PCDHGA9: variants seen among roughly 807,000 people sequenced by gnomAD.
PCDHGA9 encodes the protein protocadherin gamma subfamily A, 9.
PCDHGA9 carries 37 observed loss-of-function variants against 62.5 expected under a neutral mutation model. The observed-to-expected ratio is 0.59, with a 90% confidence interval of 0.46 to 0.78. The LOEUF is 0.78. Ranked by LOEUF, PCDHGA9 falls within the 30% of genes least tolerant of loss-of-function variation. The pLI is 0.00. For missense variants in PCDHGA9, 1,138 were observed against 1,166.2 expected (o/e 0.98, Z 0.35); for synonymous variants, 459 against 484.6 (o/e 0.95, Z 0.69).
At chr5:141,438,538 A>G (rs950527053) in intron 1 of PCDHGA9, among the ~76,000 whole-genome samples, 2 of 145,166 alleles carry the variant, frequency 1.4e-5, no homozygotes, top group African/African-American at 2.6e-5. Context: ...CTTTTCCTCT[A>G]TATCTAAGCC....
intron 3 of PCDHGA9, among the ~76,000 whole-genome samples, chr5:141,506,879 G>T (rs958969109): frequency 6.6e-6 from 1 of 152,172 alleles, no homozygotes; most frequent in Non-Finnish European, 1.5e-5. Flanking sequence ...AGAACCAGGT[G>T]AAATCACAAG....
At chr5:141,421,184 C>T (rs2096551183) in intron 1 of PCDHGA9, 4 of 1,457,822 alleles carry the variant, frequency 2.7e-6, no homozygotes, top group Non-Finnish European at 3.7e-6. Context: ...CGATTCACAA[C>T]CAACCAGCTC....
In PCDHGA9 at chr5:141,486,440, A is replaced by G; in HGVS notation, c.2425-8367A>G. 6.2e-7 allele frequency: 1 copy of G among 1,614,114 alleles called. No individual in the cohort carries two copies. The highest frequency in any genetic ancestry group is 8.5e-7 in the Non-Finnish European group (1 of 1,179,936). On this transcript the variant is annotated intron_variant, in intron 1 of 3. Coordinates refer to ENST00000573521, the MANE Select transcript of PCDHGA9 (RefSeq NM_018921.3). This position sits in a 1 kb window ranked among gnomAD's most constrained non-coding sequence, Gnocchi z 5.0. ...TCGAGAGGCCAAATCTAGCTATGACATCATGGTCACTGCTTCTGATGCTGG... is the reference window on the plus strand; with the variant it reads ...TCGAGAGGCCAAATCTAGCTATGACGTCATGGTCACTGCTTCTGATGCTGG...
chr5:141,502,679 T>C (rs943238781), intron 2 of PCDHGA9, among the ~76,000 whole-genome samples: 1 of 152,236 alleles, frequency 6.6e-6, no homozygotes, highest in Non-Finnish European at 1.5e-5. Flanking sequence ...TAGTATTCCC[T>C]GATGATCCTT....
At chr5:141,456,827 G>A (rs183303757) in intron 1 of PCDHGA9, among the ~76,000 whole-genome samples, 13 of 152,236 alleles carry the variant, frequency 8.5e-5, no homozygotes, top group South Asian at 2.1e-4. Flanking sequence ...AGCCATCGTG[G>A]TAGTGGGCGC....
chr5:141,408,660 C>T, intron 1 of PCDHGA9: 1 of 1,613,980 alleles, frequency 6.2e-7, no homozygotes, highest in East Asian at 2.2e-5. Context: ...ACACGACTAT[C>T]GCTTGACCCT....
At chr5:141,430,909 G>A (rs1054175762) in intron 1 of PCDHGA9, 2 of 1,607,160 alleles carry the variant, frequency 1.2e-6, no homozygotes, top group Non-Finnish European at 1.7e-6. Context: ...ACATCTCCAG[G>A]GACCTGGGGC....
At chr5:141,463,728 G>C (rs957615020) in intron 1 of PCDHGA9, among the ~76,000 whole-genome samples, 3 of 152,066 alleles carry the variant, frequency 2.0e-5, no homozygotes, top group African/African-American at 7.2e-5. Context: ...TTACAGGCAT[G>C]AGCCACCGCG....
intron 1 of PCDHGA9, chr5:141,423,297 C>T: frequency 1.9e-6 from 3 of 1,614,170 alleles, no homozygotes; most frequent in South Asian, 1.1e-5. Flanking sequence ...CCTCAGACCT[C>T]TCGCTGTACT....
chr5:141,414,715 G>A, intron 1 of PCDHGA9: 1 of 1,614,128 alleles, frequency 6.2e-7, no homozygotes. Context: ...CATCAACTCA[G>A]ACACTGGCGT....
At position 141,402,836 on chromosome 5, in the gene PCDHGA9, A is replaced by G. The variant is rs115293033; in HGVS notation, c.-117A>G. 4.8e-4 allele frequency: 668 copies of G among 1,379,778 alleles called. 2 individuals are homozygous for G. The African/African-American group carries it at 8.5e-3, about 18-fold the overall frequency. 85.5% of individuals were successfully genotyped at this position (1,379,778 alleles called of 1,614,324 possible). On this transcript the variant is annotated 5_prime_UTR_variant, in exon 1 of 4. Coordinates refer to ENST00000573521, the MANE Select transcript of PCDHGA9 (RefSeq NM_018921.3). ...ACAAACCTGCTCCCAGGCTGCAGCA[A>G]AACTCAGCCTCTTTCTTCTAAGGAA...
intron 1 of PCDHGA9, among the ~76,000 whole-genome samples, chr5:141,406,540 A>C (rs1180847016): frequency 6.6e-6 from 1 of 152,216 alleles, no homozygotes; most frequent in Non-Finnish European, 1.5e-5. Context: ...ACGAAGATTC[A>C]AACTTCAGTT....
rs771313271 is a variant in PCDHGA9 at position 141,477,861 on chromosome 5, G to C, written c.2425-16946G>C. 1.2e-6 allele frequency: 2 copies of C among 1,612,714 alleles called. No individual in the cohort carries two copies. Among genetic ancestry groups the C allele is most frequent in the South Asian group, 1.1e-5 (1 of 90,968 alleles). On this transcript the variant is annotated intron_variant, in intron 1 of 3. Transcript: ENST00000573521. The surrounding 1 kb of genome is among the most constrained non-coding windows in gnomAD (Gnocchi z 4.9). ...GGGAGCTCGGTGGAGATGCTGCCTC[G>C]AGGTACCTCAGCTGGCCACCTAGTG...
At chr5:141,457,175 A>C (rs1447297536) in intron 1 of PCDHGA9, among the ~76,000 whole-genome samples, 2 of 152,192 alleles carry the variant, frequency 1.3e-5, no homozygotes, top group Non-Finnish European at 2.9e-5. Flanking sequence ...ACCCTATTGC[A>C]AATAGTAGAG....
Position 141,506,991 on chromosome 5 carries a change from C to T in PCDHGA9, c.2572+1510C>T, listed in dbSNP as rs190455068. 3 of 152,366 alleles carry T rather than the reference C, an allele frequency of 2.0e-5. No homozygotes were observed. In the East Asian group the frequency reaches 5.8e-4, roughly 29 times the overall value. The allele number at this position is 152,366 out of a possible 1,614,324, so 9.4% of individuals were successfully genotyped here. A position where few individuals can be genotyped will look rare whatever the true frequency, so the allele number is the denominator to read the frequency against. The stretch of plus-strand genomic sequence containing the variant: ...TGCAAGGCAGGTCTGATTTCTCACA[C>T]TCGACAGATGAGAGAACCGAGAAGG... On this transcript the variant is annotated intron_variant, in intron 3 of 3. Coordinates refer to ENST00000573521, the MANE Select transcript of PCDHGA9 (RefSeq NM_018921.3).
rs1292277026 is a variant in PCDHGA9 at position 141,489,814 on chromosome 5, CCA to C, written c.2425-4992_2425-4991del. 6 of 1,614,024 alleles carry C rather than the reference CCA, an allele frequency of 3.7e-6. No homozygotes were observed. Among genetic ancestry groups the C allele is most frequent in the Non-Finnish European group, 8.5e-7 (1 of 1,180,004 alleles). ...GACCCTAAAAGATGGGAAGCCATTC[CCA>C]GAGCTGGTGCTAGAGCAGCAGCTGG... On this transcript the variant is annotated intron_variant, in intron 1 of 3. Transcript: ENST00000573521. This position sits in a 1 kb window ranked among gnomAD's most constrained non-coding sequence, Gnocchi z 4.5.
chr5:141,422,997 C>G, intron 1 of PCDHGA9: 1 of 1,614,218 alleles, frequency 6.2e-7, no homozygotes, highest in South Asian at 1.1e-5. Flanking sequence ...ACCTGGTGAC[C>G]AAGGTGGTTG....
intron 1 of PCDHGA9, chr5:141,420,275 G>A: frequency 1.3e-6 from 2 of 1,524,576 alleles, no homozygotes; most frequent in Non-Finnish European, 1.8e-6. Flanking sequence ...TCTTAAACAG[G>A]TAAGTATTTA....
At position 141,476,786 on chromosome 5, in the gene PCDHGA9, C is replaced by G. The variant is rs2099398607; in HGVS notation, c.2425-18021C>G. 3.1e-6 allele frequency: 5 copies of G among 1,613,444 alleles called. No individual in the cohort carries two copies. The highest frequency in any genetic ancestry group is 1.7e-5 in the Admixed American group (1 of 60,000). ...GGCGTTGGACGGAGGGACCCCAGCTCTCTCCGCCAGCCTGCCTATTCACAT... is the reference window on the plus strand; with the variant it reads ...GGCGTTGGACGGAGGGACCCCAGCTGTCTCCGCCAGCCTGCCTATTCACAT... On this transcript the variant is annotated intron_variant, in intron 1 of 3. Coordinates refer to ENST00000573521, the MANE Select transcript of PCDHGA9 (RefSeq NM_018921.3). The surrounding 1 kb of genome is among the most constrained non-coding windows in gnomAD (Gnocchi z 7.6).
Sources: gnomAD v4.1 joint callset for allele counts (sites outside exome capture counted in the v4.1 genomes callset) on GRCh38, gnomAD v4.1.1 for gene constraint, Gnocchi (gnomAD v3.1) non-coding constraint, MANE v1.5 for transcripts, NCBI Gene and HGNC (gene_info 2026-07-23, HGNC 2026-07-21) for gene names.